Variants in PPFIA4 observed in about 807,000 individuals in gnomAD.
The protein encoded by PPFIA4 is liprin-alpha-4.
Under a neutral mutation model 145.7 loss-of-function variants are expected in PPFIA4, and 98 were observed. That is an observed-to-expected ratio of 0.67 (90% CI 0.57 to 0.80). The LOEUF (loss-of-function observed/expected upper bound fraction) is 0.80, where lower values mean the gene tolerates loss of function less well. Among genes scored for constraint, PPFIA4 ranks in the 30% least tolerant of loss-of-function variants. PPFIA4 has a pLI of 0.00. For missense variants in PPFIA4, 1,457 were observed against 1,632.7 expected (o/e 0.89, Z 1.85); for synonymous variants, 628 against 649.6 (o/e 0.97, Z 0.51).
rs761747469 is a variant in PPFIA4, at chr1:203,046,001, G to C, written c.1005+14G>C. ...CTGCACCGCCAGGTACCTCCTCAGG[G>C]TGGGGTGGGGATGGGCATTGTACTT... is the stretch of plus-strand genomic sequence containing the variant. On this transcript the variant is annotated intron_variant, in intron 8 of 29. Coordinates refer to ENST00000295706, the MANE Select transcript of PPFIA4 (RefSeq NM_001304331.2). 1.9e-6 allele frequency: 3 copies of C among 1,612,218 alleles called. No individual in the cohort carries two copies. The highest frequency in any genetic ancestry group is 1.7e-4 in the Middle Eastern group (1 of 5,778).
At position 203,063,773 on chromosome 1, in the gene PPFIA4, C is replaced by T. The variant is rs548359690; in HGVS notation, c.2875-55C>T. On this transcript the variant is annotated intron_variant, in intron 24 of 29. Transcript: ENST00000295706. ...TCCCGACCAGCTATACCAGCCTCAG[C>T]CTGCTGGCTCTACCTTCCTCCCCCA... 189 of 1,592,036 alleles carry T rather than the reference C, an allele frequency of 1.2e-4. 4 individuals are homozygous for T. The South Asian group carries it at 2.0e-3, about 16-fold the overall frequency.
intron 2 of PPFIA4, among the ~76,000 whole-genome samples, chr1:203,039,571 A>G (rs1258769905): frequency 1.3e-5 from 2 of 152,146 alleles, no homozygotes; most frequent in Non-Finnish European, 2.9e-5. Flanking sequence ...CTATTCTTGG[A>G]GGTGGGTGGG....
intron 1 of PPFIA4, among the ~76,000 whole-genome samples, chr1:203,033,981 C>T (rs930185114): frequency 1.3e-5 from 2 of 152,116 alleles, no homozygotes; most frequent in African/African-American, 4.8e-5. Context: ...TGCCCTGGAA[C>T]GACTGTCAGC....
At chr1:203,072,137 C>G (rs2102696030) in intron 28 of PPFIA4, among the ~76,000 whole-genome samples, 1 of 152,264 alleles carries the variant, frequency 6.6e-6, no homozygotes, top group Non-Finnish European at 1.5e-5. Flanking sequence ...ATCTTCAGTG[C>G]TGAGCTCAGC....
In PPFIA4 at chr1:203,077,479, C is replaced by T. The variant is rs1453735047; in HGVS notation, c.*1089C>T. The T allele has an allele frequency of 1.3e-5, 2 of 152,240 alleles. No homozygotes were observed. The highest frequency in any genetic ancestry group is 2.1e-4 in the South Asian group (1 of 4,830). The allele number at this position is 152,240 out of a possible 1,614,324, so 9.4% of individuals were successfully genotyped here. ...GAAAAGGCAGACTAAGGCCTCCTTTCTCTGACCTCCCAGGAAGAAAATAGC... is the reference window on the plus strand; with the variant it reads ...GAAAAGGCAGACTAAGGCCTCCTTTTTCTGACCTCCCAGGAAGAAAATAGC... On this transcript the variant is annotated 3_prime_UTR_variant, in exon 30 of 30. Coordinates refer to ENST00000295706, the MANE Select transcript of PPFIA4 (RefSeq NM_001304331.2).
At chr1:203,071,656 T>C in intron 27 of PPFIA4, 36 bp from the exon 28 acceptor site, 1 of 1,525,158 alleles carries the variant, frequency 6.6e-7, no homozygotes, top group Non-Finnish European at 9.1e-7. Context: ...ACTATAGCCC[T>C]TCCCACCTTT....
At position 203,048,134 on chromosome 1, in the gene PPFIA4, C is replaced by A; in HGVS notation, c.1141-93C>A. On this transcript the variant is annotated intron_variant, in intron 9 of 29. Transcript: ENST00000295706. The surrounding 1 kb of genome is among the most constrained non-coding windows in gnomAD (Gnocchi z 5.8). ...CACTGGTACTGGGGGCCATGATCCC[C>A]AGGGCCACCCTGGCACCAGGGTGCA... 1 of 1,237,398 alleles carries A rather than the reference C, an allele frequency of 8.1e-7. No homozygotes were observed. The highest frequency in any genetic ancestry group is 1.2e-6 in the Non-Finnish European group (1 of 858,506). 76.7% of individuals were successfully genotyped at this position (1,237,398 alleles called of 1,614,324 possible). A position where few individuals can be genotyped will look rare whatever the true frequency, so the allele number is the denominator to read the frequency against.
intron 4 of PPFIA4, 88 bp downstream of exon 4, chr1:203,044,183 A>G: frequency 5.0e-6 from 7 of 1,406,738 alleles, no homozygotes; most frequent in Non-Finnish European, 5.7e-6. Flanking sequence ...CACATCCGGT[A>G]TTTAGGGAGC....
chr1:203,058,675 T>C (rs1485150113), intron 19 of PPFIA4, among the ~76,000 whole-genome samples: 3 of 152,102 alleles, frequency 2.0e-5, no homozygotes, highest in African/African-American at 7.2e-5. Flanking sequence ...TTCAAGGAGA[T>C]GTTTAGTAGA....
chr1:203,071,727 G>A lies in PPFIA4; in HGVS notation c.3360G>A (p.Leu1120=), dbSNP rs188980339. The A allele has an allele frequency of 1.6e-4, 254 of 1,613,182 alleles. 3 individuals are homozygous for A. In the African/African-American group the frequency reaches 3.1e-3, roughly 20 times the overall value. Residue 1120 remains leucine (L), a synonymous_variant, in exon 28 of 30, where the codon CTG becomes CTA. Transcript: ENST00000295706. ...RQVMEREFNN[L]LALGTDRKLD... ...TGATGGAAAGAGAGTTCAATAACCT[G>A]TTGGCCTTGGGCACAGACCGGAAGC... is the stretch of plus-strand genomic sequence containing the variant.
At chr1:203,029,690 C>T (rs1310427159) in intron 1 of PPFIA4, among the ~76,000 whole-genome samples, 1 of 152,198 alleles carries the variant, frequency 6.6e-6, no homozygotes, top group African/African-American at 2.4e-5. Context: ...CCTGGAGCAG[C>T]GAAGCCTCTG....
chr1:203,076,489 T>A lies in PPFIA4; in HGVS notation c.*99T>A. 2 of 1,243,044 alleles carry A rather than the reference T, an allele frequency of 1.6e-6. No homozygotes were observed. The highest frequency in any genetic ancestry group is 2.3e-6 in the Non-Finnish European group (2 of 860,042). 77.0% of individuals were successfully genotyped at this position (1,243,044 alleles called of 1,614,324 possible). A position where few individuals can be genotyped will look rare whatever the true frequency, so the allele number is the denominator to read the frequency against. On this transcript the variant is annotated 3_prime_UTR_variant, in exon 30 of 30. Transcript: ENST00000295706. ...CCCCTTCCTTCCGCAGCTCCTAGTC[T>A]CGTCCGTGACTTTCCGGTTGCCCTG...
rs746198342 is a variant in PPFIA4, at chr1:203,045,438, G to T, written c.737G>T (p.Arg246Leu). Residue 246 changes from arginine (R) to leucine (L), a missense_variant, in exon 7 of 30, where the codon CGG (arginine) becomes CTG (leucine). Coordinates refer to ENST00000295706, the MANE Select transcript of PPFIA4 (RefSeq NM_001304331.2). ...EKQNFELSQARERLVTLTTTV... is the reference protein window; with the variant it reads ...EKQNFELSQALERLVTLTTTV... Reference sequence around the variant, plus strand: ...CAGAACTTTGAGTTGAGCCAGGCCCGGGAGCGACTGGTCACCCTAACAACA... The same window carrying T: ...CAGAACTTTGAGTTGAGCCAGGCCCTGGAGCGACTGGTCACCCTAACAACA... The T allele has an allele frequency of 6.2e-7, 1 of 1,609,514 alleles. No individual in the cohort carries two copies. Among genetic ancestry groups the T allele is most frequent in the Admixed American group, 1.7e-5 (1 of 59,532 alleles).
At chr1:203,035,606 G>A (rs566488298) in intron 1 of PPFIA4, 1 of 456,832 alleles carries the variant, frequency 2.2e-6, no homozygotes, top group South Asian at 1.5e-5. Flanking sequence ...TGCTTGCTTT[G>A]GGGACTGGCA....
intron 1 of PPFIA4, among the ~76,000 whole-genome samples, chr1:203,026,986 C>T (rs113542334): frequency 6.6e-6 from 1 of 152,316 alleles, no homozygotes; most frequent in Non-Finnish European, 1.5e-5. Context: ...GAAAAAGCGC[C>T]TCTCGGCTCC....
chr1:203,051,684 C>A (rs1660515577), intron 13 of PPFIA4, 85 bp from the exon 14 acceptor site: 9 of 1,524,924 alleles, frequency 5.9e-6, no homozygotes, highest in Middle Eastern at 1.7e-4. Context: ...AGCTGAAGAT[C>A]CCTTGACTCT....
chr1:203,047,694 A>G (rs1285651671), intron 9 of PPFIA4, among the ~76,000 whole-genome samples: 1 of 152,074 alleles, frequency 6.6e-6, no homozygotes, highest in Non-Finnish European at 1.5e-5. Context: ...TTCGCCTTGG[A>G]TTATTTCATT....
In PPFIA4 at chr1:203,045,539, C is replaced by G; in HGVS notation, c.838C>G (p.His280Asp). 6.3e-7 allele frequency: 1 copy of G among 1,597,322 alleles called. No individual in the cohort carries two copies. The highest frequency in any genetic ancestry group is 1.1e-5 in the South Asian group (1 of 88,278). Reference protein sequence around the residue: ...LIKSEELSSKHQRDLREALAQ... With the variant: ...LIKSEELSSKDQRDLREALAQ... The stretch of plus-strand genomic sequence containing the variant: ...CAAGTCGGAGGAGCTGAGCAGCAAG[C>G]ATCAGCGGGACCTCCGGGAGGTGCG... The change falls in exon 7 of 30, where the codon CAT (histidine) becomes GAT (aspartate). Residue 280 changes from histidine to aspartate, a missense_variant. This residue lies in a region of PPFIA4 where 463 missense variants were observed against 459.8 expected (regional missense o/e 1.01). Transcript: ENST00000295706.
Position 203,075,946 on chromosome 1 carries a change from C to A in PPFIA4, c.3574+189C>A. The A allele has an allele frequency of 1.6e-6, 1 of 626,852 alleles. No individual in the cohort carries two copies. The highest frequency in any genetic ancestry group is 2.5e-6 in the Non-Finnish European group (1 of 404,822). The allele number at this position is 626,852 out of a possible 1,614,324, so 38.8% of individuals were successfully genotyped here. A position where few individuals can be genotyped will look rare whatever the true frequency, so the allele number is the denominator to read the frequency against. ...TAACCCGCCGCTCTGTGTGTTCTCC[C>A]GCGGCTGCCGACTTCTCCCAGCTGG... On this transcript the variant is annotated intron_variant, in intron 29 of 29. Coordinates refer to ENST00000295706, the MANE Select transcript of PPFIA4 (RefSeq NM_001304331.2). The surrounding 1 kb of genome is among the most constrained non-coding windows in gnomAD (Gnocchi z 4.1).
Sources: allele counts gnomAD v4.1 joint callset (sites outside exome capture counted in the v4.1 genomes callset), GRCh38; gene constraint gnomAD v4.1.1; regional missense constraint gnomAD v4.1.1; non-coding constraint Gnocchi (gnomAD v3.1); transcripts MANE v1.5; gene names NCBI Gene and HGNC (gene_info 2026-07-23, HGNC 2026-07-21).